THOC5: variants seen among roughly 807,000 people sequenced by gnomAD.
The protein encoded by THOC5 is THO complex subunit 5.
Under a neutral mutation model 92.9 loss-of-function variants are expected in THOC5, and 43 were observed. That is an observed-to-expected ratio of 0.46 (90% CI 0.36 to 0.60). THOC5 has a LOEUF of 0.60. THOC5 is among the 20% of genes least tolerant of loss of function. The pLI, the probability that THOC5 is intolerant of heterozygous loss-of-function variation, is 0.00. For missense variants in THOC5, 659 were observed against 849.4 expected (o/e 0.78, Z 2.79); for synonymous variants, 296 against 320.1 (o/e 0.92, Z 0.80).
chr22:29,508,469 G>A lies in THOC5; in HGVS notation c.2040C>T (p.Phe680=). The change falls in exon 20 of 20, where the codon TTC becomes TTT. Residue 680 remains phenylalanine (F), a synonymous_variant. Transcript: ENST00000490103. Reference sequence around the variant, plus strand: ...TCTGCGCGGGAGATCAGCGATGGCTGAAGAATCCCTGAGGATGGTTGTATT... The same window carrying A: ...TCTGCGCGGGAGATCAGCGATGGCTAAAGAATCCCTGAGGATGGTTGTATT... ...PFKYNHPQGF[F]SHR 6.2e-7 allele frequency: 1 copy of A among 1,614,212 alleles called. No individual in the cohort carries two copies. The highest frequency in any genetic ancestry group is 1.1e-5 in the South Asian group (1 of 91,086).
At chr22:29,537,511 C>T (rs1323041736) in intron 6 of THOC5, among the ~76,000 whole-genome samples, 4 of 152,092 alleles carry the variant, frequency 2.6e-5, no homozygotes, top group South Asian at 2.1e-4. Flanking sequence ...CAGTGACATG[C>T]GCCTGTAATC....
At chr22:29,521,937 C>T (rs2063449468) in intron 12 of THOC5, among the ~76,000 whole-genome samples, 1 of 152,134 alleles carries the variant, frequency 6.6e-6, no homozygotes, top group Non-Finnish European at 1.5e-5. Flanking sequence ...CCTTCAGGAA[C>T]TCCATGCTAG....
intron 2 of THOC5, among the ~76,000 whole-genome samples, chr22:29,544,893 C>T (rs1368427867): frequency 2.0e-5 from 3 of 151,996 alleles, no homozygotes; most frequent in East Asian, 1.9e-4. Context: ...CCTCTCAGTC[C>T]GAAACTGAGT....
chr22:29,543,736 A>T (rs1204171339), intron 3 of THOC5, among the ~76,000 whole-genome samples, 194 bp from the exon 4 acceptor site: 1 of 152,200 alleles, frequency 6.6e-6, no homozygotes, highest in African/African-American at 2.4e-5. Flanking sequence ...GGCAAAAAAA[A>T]GTAATTTCTG....
At chr22:29,516,453 C>T (rs1471761002) in intron 17 of THOC5, among the ~76,000 whole-genome samples, 3 of 152,172 alleles carry the variant, frequency 2.0e-5, no homozygotes, top group African/African-American at 7.2e-5. Flanking sequence ...GGTGTCAGAT[C>T]CCACGGGCAG....
At chr22:29,524,471 G>A (rs762752078) in intron 12 of THOC5, among the ~76,000 whole-genome samples, 11 of 152,168 alleles carry the variant, frequency 7.2e-5, no homozygotes, top group Non-Finnish European at 1.5e-4. Context: ...AGTTGAGCAT[G>A]CAATAAAGCC....
chr22:29,553,275 G>T (rs1472375790), intron 1 of THOC5, among the ~76,000 whole-genome samples: 2 of 152,174 alleles, frequency 1.3e-5, no homozygotes, highest in Non-Finnish European at 2.9e-5. Flanking sequence ...TTAATAAACG[G>T]TAGTAGAGGT....
Position 29,508,526 on chromosome 22 carries a change from G to C in THOC5, c.1989-6C>G, listed in dbSNP as rs186470934. ...GCTTCATCCTGCTAGGACCCCTAGA[G>C]AAATAGGAGAACGGAGTTGTTAATA... On this transcript the variant is annotated splice_polypyrimidine_tract_variant and splice_region_variant and intron_variant, in intron 19 of 19. Transcript: ENST00000490103. 1.2e-6 allele frequency: 2 copies of C among 1,612,796 alleles called. No individual in the cohort carries two copies. Among genetic ancestry groups the C allele is most frequent in the Admixed American group, 1.7e-5 (1 of 60,004 alleles).
intron 12 of THOC5, among the ~76,000 whole-genome samples, chr22:29,524,137 G>C (rs1260066706): frequency 2.0e-5 from 3 of 152,232 alleles, no homozygotes; most frequent in Non-Finnish European, 4.4e-5. Context: ...TCTCCTCCCT[G>C]TTTGGGGGTC....
Position 29,511,096 on chromosome 22 carries a change from C to G in THOC5, c.1988+10G>C. On this transcript the variant is annotated intron_variant, in intron 19 of 19. Coordinates refer to ENST00000490103, the MANE Select transcript of THOC5 (RefSeq NM_003678.5). ...ATGAGAAGTCACCAGAGCCCCAACC[C>G]TCTCCTCACCTGAAGAGCCGCAGAC... is the stretch of plus-strand genomic sequence containing the variant. 2 of 1,611,158 alleles carry G rather than the reference C, an allele frequency of 1.2e-6. No individual in the cohort carries two copies. The highest frequency in any genetic ancestry group is 2.2e-5 in the East Asian group (1 of 44,776).
chr22:29,511,964 G>A (rs555712192), intron 18 of THOC5, 57 bp downstream of exon 18: 36 of 1,476,666 alleles, frequency 2.4e-5, no homozygotes, highest in East Asian at 1.6e-4. Context: ...GTTCTGCCAC[G>A]GCCACCTCCC....
At chr22:29,528,819 A>G (rs559436811) in intron 9 of THOC5, 1 of 499,610 alleles carries the variant, frequency 2.0e-6, no homozygotes, top group East Asian at 3.5e-5. Context: ...CTATGTGCTG[A>G]GAATTATGCT....
At chr22:29,550,379 T>C (rs2064117921) in intron 1 of THOC5, among the ~76,000 whole-genome samples, 2 of 151,674 alleles carry the variant, frequency 1.3e-5, no homozygotes, top group South Asian at 4.2e-4. Context: ...GACTCCCAGG[T>C]TGATCCTAGA....
At position 29,539,442 on chromosome 22, in the gene THOC5, C is replaced by T. The variant is rs764080620; in HGVS notation, c.487G>A (p.Glu163Lys). ...GGTGGAGCCTCCTTATAAAACTCCT[C>T]TAAACTGACCAGATCAATTTCTTCA... ...KHEEIDLVSL[E>K]EFYKEAPPDI... Residue 163 changes from glutamate (E) to lysine (K), a missense_variant, in exon 6 of 20, where the codon GAG (glutamate) becomes AAG (lysine). Physicochemically the swap from Glu to Lys is moderately conservative, Grantham distance 56. Transcript: ENST00000490103. 9.3e-6 allele frequency: 15 copies of T among 1,613,932 alleles called. No homozygotes were observed. Among genetic ancestry groups the T allele is most frequent in the East Asian group, 2.2e-5 (1 of 44,894 alleles).
In THOC5 at chr22:29,512,092, T is replaced by C; in HGVS notation, c.1726A>G (p.Ile576Val). Reference protein sequence around the residue: ...AVVLNPGYSSIPPVFQLCLNW... With the variant: ...AVVLNPGYSSVPPVFQLCLNW... ...AAACAGAGCTGGAAAACAGGTGGGA[T>C]GGAGGAGTAGCCAGGGTTCAACACC... The change falls in exon 18 of 20, where the codon ATC becomes GTC. Residue 576 changes from isoleucine (I) to valine (V), a missense_variant. Coordinates refer to ENST00000490103, the MANE Select transcript of THOC5 (RefSeq NM_003678.5). 1 of 1,614,120 alleles carries C rather than the reference T, an allele frequency of 6.2e-7. No homozygotes were observed. Among genetic ancestry groups the C allele is most frequent in the Non-Finnish European group, 8.5e-7 (1 of 1,179,988 alleles).
intron 12 of THOC5, among the ~76,000 whole-genome samples, chr22:29,522,906 CAGG>C (rs1455743892): frequency 6.6e-6 from 1 of 152,174 alleles, no homozygotes; most frequent in Admixed American, 6.5e-5. Context: ...GAGGCTGAGG[CAGG>C]AGAACTGCAT....
chr22:29,517,105 G>A lies in THOC5; in HGVS notation c.1605C>T (p.Phe535=). The change falls in exon 17 of 20, where the codon TTC becomes TTT. Residue 535 remains phenylalanine (F), a synonymous_variant. Coordinates refer to ENST00000490103, the MANE Select transcript of THOC5 (RefSeq NM_003678.5). ...VAHEDYMELH[F]TKDIVDAGLA... is the part of the protein sequence containing the mutation. Reference sequence around the variant, plus strand: ...GTCCCGCATCCACAATGTCTTTGGTGAAGTGCAGCTCCTAGAAGAGGTACC... The same window carrying A: ...GTCCCGCATCCACAATGTCTTTGGTAAAGTGCAGCTCCTAGAAGAGGTACC... 1 of 1,614,166 alleles carries A rather than the reference G, an allele frequency of 6.2e-7. No individual in the cohort carries two copies.
chr22:29,543,375 A>T, intron 4 of THOC5, 54 bp downstream of exon 4: 12 of 981,694 alleles, frequency 1.2e-5, no homozygotes, highest in Non-Finnish European at 1.9e-5. Flanking sequence ...AAAAAAAAGA[A>T]GGGGATGGGG....
intron 5 of THOC5, among the ~76,000 whole-genome samples, chr22:29,542,551 G>T (rs886699329): frequency 6.6e-6 from 1 of 151,726 alleles, no homozygotes; most frequent in African/African-American, 2.4e-5. Context: ...ACCACCTGAG[G>T]TCAGGAGTTC....
Sources: allele counts gnomAD v4.1 joint callset (sites outside exome capture counted in the v4.1 genomes callset), GRCh38; gene constraint gnomAD v4.1.1; transcripts MANE v1.5; gene names NCBI Gene and HGNC (gene_info 2026-07-23, HGNC 2026-07-21).